The following VTI1A variants were observed in gnomAD, a reference collection of about 807,000 sequenced individuals.
VTI1A encodes the protein vesicle transport through interaction with t-SNAREs homolog 1A.
Under a neutral mutation model 34.9 loss-of-function variants are expected in VTI1A, and 22 were observed. The ratio of observed to expected loss-of-function variants is 0.63; its 90% CI spans 0.45 to 0.90. VTI1A has a LOEUF of 0.90. Among genes scored for constraint, VTI1A ranks in the 40% least tolerant of loss-of-function variants. The pLI, the probability that VTI1A is intolerant of heterozygous loss-of-function variation, is 0.00. For missense variants in VTI1A, 268 were observed against 275.6 expected (o/e 0.97, Z 0.20); for synonymous variants, 87 against 97.3 (o/e 0.89, Z 0.62).
intron 5 of VTI1A, among the ~76,000 whole-genome samples, chr10:112,567,349 G>A (rs1851942443): frequency 6.6e-6 from 1 of 152,172 alleles, no homozygotes; most frequent in South Asian, 2.1e-4. Context: ...TATAAAATGT[G>A]GTTTGTTAGA....
chr10:112,729,097 G>T (rs1241263357), intron 7 of VTI1A, among the ~76,000 whole-genome samples: 1 of 151,974 alleles, frequency 6.6e-6, no homozygotes, highest in African/African-American at 2.4e-5. Flanking sequence ...TGACTAAAAA[G>T]GTTCCAAACC....
At chr10:112,477,336 C>T (rs1041208498) in intron 3 of VTI1A, among the ~76,000 whole-genome samples, 14 of 152,134 alleles carry the variant, frequency 9.2e-5, no homozygotes, top group Non-Finnish European at 2.1e-4. Flanking sequence ...TGCTTAAGTG[C>T]GATCATATTG....
chr10:112,644,951 C>G (rs1846717003), intron 5 of VTI1A, among the ~76,000 whole-genome samples: 1 of 152,112 alleles, frequency 6.6e-6, no homozygotes, highest in East Asian at 1.9e-4. Context: ...ATTGTGCTTT[C>G]TAGGAATGTG....
At chr10:112,467,775 A>G (rs552238846) in intron 3 of VTI1A, among the ~76,000 whole-genome samples, 7 of 152,346 alleles carry the variant, frequency 4.6e-5, no homozygotes, top group South Asian at 2.1e-4. Context: ...ATGGATTACT[A>G]TCCTCATTTA....
chr10:112,735,921 C>T lies in VTI1A; in HGVS notation c.560+66923C>T, dbSNP rs548223939. On this transcript the variant is annotated intron_variant, in intron 7 of 7. Coordinates refer to ENST00000393077, the MANE Select transcript of VTI1A (RefSeq NM_145206.4). ...ATGGACCACAGAGACACGGGGACAA[C>T]GAATTTAATTTGGCATTGCAACATG... Among the ~76,000 whole-genome samples the T allele has an allele frequency of 8.0e-5, 12 of 150,626 alleles. 1 individual carries two copies. The highest frequency in any genetic ancestry group is 1.7e-4 in the African/African-American group (7 of 40,944).
Position 112,801,863 on chromosome 10 carries a change from T to C in VTI1A, c.561-13427T>C, listed in dbSNP as rs992498410. Among the ~76,000 whole-genome samples, 4 of 152,354 alleles carry C rather than the reference T, an allele frequency of 2.6e-5. No individual in the cohort carries two copies. In the East Asian group the frequency reaches 7.7e-4, roughly 29 times the overall value. On this transcript the variant is annotated intron_variant, in intron 7 of 7. Transcript: ENST00000393077. ...GAAATATGCTGCAGAATAAAATGAA[T>C]ATTACCTTAGTAATGTACTGTGTAT...
chr10:112,688,495 CT>C (rs781707224), intron 7 of VTI1A, among the ~76,000 whole-genome samples: 4 of 145,834 alleles, frequency 2.7e-5, no homozygotes, highest in Non-Finnish European at 4.5e-5. Flanking sequence ...AACATTGCAG[CT>C]TGTACTACTA....
chr10:112,477,780 C>A (rs1319932442), intron 3 of VTI1A, among the ~76,000 whole-genome samples: 1 of 152,152 alleles, frequency 6.6e-6, no homozygotes, highest in African/African-American at 2.4e-5. Flanking sequence ...TATCTGATAC[C>A]TTTTGATTTT....
intron 7 of VTI1A, among the ~76,000 whole-genome samples, chr10:112,704,252 A>C (rs1849115280): frequency 6.6e-6 from 1 of 152,194 alleles, no homozygotes; most frequent in South Asian, 2.1e-4. Flanking sequence ...CCCTTTGTCT[A>C]ACCACTTACA....
At chr10:112,455,169 T>TCCGCCCCTCCCCCTCCTCCCCTCC (rs1462153033) in intron 1 of VTI1A, among the ~76,000 whole-genome samples, 1 of 4,000 alleles carries the variant, frequency 2.5e-4, no homozygotes, top group Non-Finnish European at 4.7e-4. Flanking sequence ...CCTCCTCCCC[T>TCCGCCCCTCCCCCTCCTCCCCTCC]CCTCCCCTCC....
chr10:112,712,102 C>T (rs528331738), intron 7 of VTI1A, among the ~76,000 whole-genome samples: 2 of 152,248 alleles, frequency 1.3e-5, no homozygotes, highest in African/African-American at 4.8e-5. Context: ...AGTTCTCGTT[C>T]CCAGTCTGCT....
At chr10:112,613,130 A>T (rs1246221886) in intron 5 of VTI1A, among the ~76,000 whole-genome samples, 1 of 152,178 alleles carries the variant, frequency 6.6e-6, no homozygotes, top group East Asian at 1.9e-4. Context: ...TCATTTTGGA[A>T]GACTTTGCCG....
chr10:112,576,019 CTTT>C (rs760363890), intron 5 of VTI1A, among the ~76,000 whole-genome samples: 2,018 of 131,234 alleles, frequency 0.015, 44 homozygotes, highest in African/African-American at 0.053. Context: ...CTTTTCTTTT[CTTT>C]TTTTTTTTTT....
At chr10:112,673,468 G>GCA (rs150053497) in intron 7 of VTI1A, among the ~76,000 whole-genome samples, 90,540 of 151,534 alleles carry the variant, frequency 0.6, 27,266 homozygotes, top group Non-Finnish European at 0.63. Flanking sequence ...GCGTGCGCGC[G>GCA]CACACACACA....
chr10:112,575,924 G>A (rs1223207640), intron 5 of VTI1A, among the ~76,000 whole-genome samples: 1 of 151,772 alleles, frequency 6.6e-6, no homozygotes, highest in Non-Finnish European at 1.5e-5. Flanking sequence ...TTATTGTGTA[G>A]AAAAGTTTAA....
intron 5 of VTI1A, among the ~76,000 whole-genome samples, chr10:112,590,004 A>C (rs1296985713): frequency 1.3e-5 from 2 of 152,164 alleles, no homozygotes; most frequent in Non-Finnish European, 2.9e-5. Context: ...GCCAAACCTT[A>C]ATGTTAGGGT....
chr10:112,685,948 AAC>A (rs1848392429), intron 7 of VTI1A, among the ~76,000 whole-genome samples: 1 of 152,150 alleles, frequency 6.6e-6, no homozygotes, highest in African/African-American at 2.4e-5. Flanking sequence ...ACCACAAAAA[AAC>A]ACACTATTTA....
intron 3 of VTI1A, among the ~76,000 whole-genome samples, chr10:112,489,662 T>C (rs1257810502): frequency 6.6e-6 from 1 of 152,214 alleles, no homozygotes; most frequent in Non-Finnish European, 1.5e-5. Flanking sequence ...GCTGGATGCT[T>C]ATAAGTGCAG....
intron 5 of VTI1A, among the ~76,000 whole-genome samples, chr10:112,578,094 C>T (rs954378164): frequency 3.3e-5 from 5 of 152,148 alleles, no homozygotes; most frequent in African/African-American, 7.2e-5. Flanking sequence ...CTGGTGATAA[C>T]GATGCTTTAG....
Sources: allele counts gnomAD v4.1 joint callset (sites outside exome capture counted in the v4.1 genomes callset), GRCh38; gene constraint gnomAD v4.1.1; transcripts MANE v1.5; gene names NCBI Gene and HGNC (gene_info 2026-07-23, HGNC 2026-07-21).